Variants in ZNF804B observed in about 807,000 individuals in gnomAD.
ZNF804B encodes the protein zinc finger 804B.
In ZNF804B, 80 loss-of-function variants were observed where a neutral mutation model predicts 101.4. The observed-to-expected ratio is 0.79, with a 90% confidence interval of 0.66 to 0.95. ZNF804B has a LOEUF of 0.95. ZNF804B is among the 40% of genes least tolerant of loss of function. The pLI, the probability that ZNF804B is intolerant of heterozygous loss-of-function variation, is 0.00. For missense variants in ZNF804B, 1,673 were observed against 1,561.9 expected, an observed-to-expected ratio of 1.07 and a Z score of -1.20; for synonymous variants, 622 against 558.8, an observed-to-expected ratio of 1.11 and a Z score of -1.59.
chr7:89,254,586 A>C (rs1789595485), intron 2 of ZNF804B, among the ~76,000 whole-genome samples: 1 of 151,768 alleles, frequency 6.6e-6, no homozygotes, highest in Non-Finnish European at 1.5e-5. Flanking sequence ...GGAATGTGGA[A>C]AATTTACTCC....
chr7:89,114,585 C>A (rs1453181268), intron 1 of ZNF804B, among the ~76,000 whole-genome samples: 4 of 152,168 alleles, frequency 2.6e-5, no homozygotes, highest in African/African-American at 9.7e-5. Flanking sequence ...CTTATTGATG[C>A]TCTTTTTGCA....
intron 2 of ZNF804B, among the ~76,000 whole-genome samples, chr7:89,262,106 G>A (rs1789720208): frequency 6.6e-6 from 1 of 152,152 alleles, no homozygotes; most frequent in Non-Finnish European, 1.5e-5. Context: ...AATACCTTGT[G>A]AACTTCCAAA....
intron 1 of ZNF804B, among the ~76,000 whole-genome samples, chr7:88,846,605 A>G (rs1791376712): frequency 6.6e-6 from 1 of 152,182 alleles, no homozygotes; most frequent in Admixed American, 6.5e-5. Context: ...CTGCTCACAC[A>G]CAATGCTTAT....
chr7:88,870,323 T>C (rs1791800589), intron 1 of ZNF804B, among the ~76,000 whole-genome samples: 1 of 140,034 alleles, frequency 7.1e-6, no homozygotes, highest in Non-Finnish European at 1.5e-5. Context: ...AGGCGGAGCT[T>C]GCAGTGAGTC....
chr7:89,227,484 G>A (rs527490680), intron 2 of ZNF804B, among the ~76,000 whole-genome samples: 7 of 152,220 alleles, frequency 4.6e-5, no homozygotes, highest in African/African-American at 1.2e-4. Flanking sequence ...ACATTATAGA[G>A]AGTGTATAAA....
intron 2 of ZNF804B, among the ~76,000 whole-genome samples, chr7:89,293,793 A>G (rs1790336917): frequency 6.6e-6 from 1 of 152,144 alleles, no homozygotes; most frequent in Non-Finnish European, 1.5e-5. Context: ...CGTCTCAAAA[A>G]AAAAGAAAAA....
At chr7:89,323,191 G>T (rs1045106166) in intron 2 of ZNF804B, among the ~76,000 whole-genome samples, 24 of 152,296 alleles carry the variant, frequency 1.6e-4, no homozygotes, top group Middle Eastern at 3.4e-3. Context: ...CTGTCTGCAG[G>T]CAACTTGATC....
At chr7:89,318,208 G>C (rs542323389) in intron 2 of ZNF804B, among the ~76,000 whole-genome samples, 29 of 152,224 alleles carry the variant, frequency 1.9e-4, no homozygotes, top group African/African-American at 6.0e-4. Context: ...AGCAAATTTG[G>C]AGTTTGGGTG....
chr7:88,953,029 C>A (rs931132813), intron 1 of ZNF804B, among the ~76,000 whole-genome samples: 1 of 151,694 alleles, frequency 6.6e-6, no homozygotes, highest in Non-Finnish European at 1.5e-5. Flanking sequence ...TGTTTCCTAC[C>A]GCTGTAGACC....
chr7:89,177,824 G>A (rs1441638826), intron 1 of ZNF804B, among the ~76,000 whole-genome samples: 6 of 151,858 alleles, frequency 4.0e-5, no homozygotes, highest in Admixed American at 1.3e-4. Context: ...AGGCCAAGGC[G>A]GGCGGATCAC....
At chr7:89,163,675 AT>A (rs976797524) in intron 1 of ZNF804B, among the ~76,000 whole-genome samples, 8 of 152,058 alleles carry the variant, frequency 5.3e-5, no homozygotes, top group Non-Finnish European at 1.0e-4. Flanking sequence ...GCAAAAAAAA[AT>A]GTATTTTTAA....
intron 2 of ZNF804B, among the ~76,000 whole-genome samples, chr7:89,324,210 A>G (rs978908820): frequency 6.0e-5 from 9 of 151,252 alleles, no homozygotes; most frequent in Non-Finnish European, 1.2e-4. Context: ...ATAATTGTCC[A>G]TTTTTTCCTC....
chr7:88,766,268 C>T (rs73198608), intron 1 of ZNF804B, among the ~76,000 whole-genome samples: 4 of 152,234 alleles, frequency 2.6e-5, no homozygotes, highest in Non-Finnish European at 4.4e-5. Context: ...CATAATAAGG[C>T]CACTTCACTG....
At chr7:89,012,221 C>G (rs1374096108) in intron 1 of ZNF804B, among the ~76,000 whole-genome samples, 3 of 152,114 alleles carry the variant, frequency 2.0e-5, no homozygotes, top group Non-Finnish European at 4.4e-5. Flanking sequence ...AGCTGAAAGG[C>G]CCTGGGCCCT....
intron 1 of ZNF804B, among the ~76,000 whole-genome samples, chr7:88,911,469 A>T (rs1321438158): frequency 6.7e-6 from 1 of 148,416 alleles, no homozygotes; most frequent in Admixed American, 6.8e-5. Context: ...TATTTATATT[A>T]TTCTTATGTA....
In ZNF804B at chr7:89,001,163, A is replaced by G. The variant is rs140626974; in HGVS notation, c.109-216992A>G. Reference sequence around the variant, plus strand: ...GTGACTATATTATATTATACAATATATATATTATATTCTAGAAAATGCCAA... The same window carrying G: ...GTGACTATATTATATTATACAATATGTATATTATATTCTAGAAAATGCCAA... On this transcript the variant is annotated intron_variant, in intron 1 of 3. Coordinates refer to ENST00000333190, the MANE Select transcript of ZNF804B (RefSeq NM_181646.5). 5.2e-3 allele frequency among the ~76,000 whole-genome samples: 777 copies of G among 149,100 alleles called. 3 individuals are homozygous for G. Among genetic ancestry groups the G allele is most frequent in the African/African-American group, 0.017 (717 of 41,016 alleles).
intron 1 of ZNF804B, among the ~76,000 whole-genome samples, chr7:88,949,088 T>TC (rs1793180761): frequency 6.6e-6 from 1 of 151,892 alleles, no homozygotes; most frequent in Non-Finnish European, 1.5e-5. Flanking sequence ...TTTGGATTGT[T>TC]CTATTCTGTT....
At chr7:88,859,820 A>G (rs1791621485) in intron 1 of ZNF804B, among the ~76,000 whole-genome samples, 1 of 151,958 alleles carries the variant, frequency 6.6e-6, no homozygotes, top group Admixed American at 6.6e-5. Context: ...TAGATATCTG[A>G]GTATTCAGAA....
At chr7:89,199,405 G>C (rs954683813) in intron 1 of ZNF804B, among the ~76,000 whole-genome samples, 4 of 151,826 alleles carry the variant, frequency 2.6e-5, no homozygotes, top group Non-Finnish European at 5.9e-5. Context: ...TTATATTGCT[G>C]TTAAAATCTG....
Sources: allele counts gnomAD v4.1 joint callset (sites outside exome capture counted in the v4.1 genomes callset), GRCh38; gene constraint gnomAD v4.1.1; transcripts MANE v1.5; gene names NCBI Gene and HGNC (gene_info 2026-07-23, HGNC 2026-07-21).